RORA: variants seen among roughly 807,000 people sequenced by gnomAD.
RORA encodes nuclear receptor ROR-alpha.
RORA carries 7 observed loss-of-function variants against 69.5 expected under a neutral mutation model. The observed-to-expected ratio is 0.10, with a 90% CI of 0.06 to 0.19. The LOEUF (loss-of-function observed/expected upper bound fraction) is 0.19, where lower values mean the gene tolerates loss of function less well. RORA is among the 10% of genes least tolerant of loss of function. The probability of loss-of-function intolerance (pLI) is 1.00; values close to 1 mark genes in which losing one functional copy is unlikely to be tolerated. For synonymous variants in RORA, 261 were observed against 240.8 expected (o/e 1.08, Z -0.78); for missense variants, 457 against 663.0 (o/e 0.69, Z 3.41).
At position 60,490,195 on chromosome 15, in the gene RORA, TATACTC is replaced by T. The variant is rs1199716212; in HGVS notation, c.*7254_*7259del. On this transcript the variant is annotated 3_prime_UTR_variant, in exon 11 of 11. Coordinates refer to ENST00000335670, the MANE Select transcript of RORA (RefSeq NM_134261.3). This position sits in a 1 kb window ranked among gnomAD's most constrained non-coding sequence, Gnocchi z 4.1. ...ATGTATATATATACAAATATATAGT[TATACTC>T]AGTGAAATTAACAAGACCCAAAGGT... is the stretch of plus-strand genomic sequence containing the variant. The T allele has an allele frequency of 2.6e-5, 4 of 151,354 alleles. No individual in the cohort carries two copies. Among genetic ancestry groups the T allele is most frequent in the African/African-American group, 9.7e-5 (4 of 41,262 alleles). 9.4% of individuals were successfully genotyped at this position (151,354 alleles called of 1,614,324 possible).
intron 2 of RORA, among the ~76,000 whole-genome samples, chr15:60,577,855 C>A (rs1033409356): frequency 2.0e-5 from 3 of 152,102 alleles, no homozygotes; most frequent in African/African-American, 7.2e-5. Flanking sequence ...CATTATTTTA[C>A]ATTTTTGTGA....
At chr15:60,975,751 G>A (rs1306336749) in intron 1 of RORA, among the ~76,000 whole-genome samples, 1 of 152,186 alleles carries the variant, frequency 6.6e-6, no homozygotes, top group Non-Finnish European at 1.5e-5. Context: ...GTGTTAGGCT[G>A]GGCACAGGAA....
chr15:61,109,404 C>T (rs1405013666), intron 1 of RORA, among the ~76,000 whole-genome samples: 1 of 152,094 alleles, frequency 6.6e-6, no homozygotes, highest in Non-Finnish European at 1.5e-5. Context: ...ATAAAGGCCA[C>T]GGGATTTATC....
chr15:60,713,075 G>C (rs2071165781), intron 1 of RORA, among the ~76,000 whole-genome samples: 2 of 152,136 alleles, frequency 1.3e-5, no homozygotes, highest in Non-Finnish European at 2.9e-5. Context: ...ACTGTGGCCA[G>C]GGCTTCCCTG....
At chr15:60,923,661 A>C (rs894262118) in intron 1 of RORA, among the ~76,000 whole-genome samples, 1 of 152,186 alleles carries the variant, frequency 6.6e-6, no homozygotes, top group African/African-American at 2.4e-5. Context: ...CTTATATCTA[A>C]AGACTAATTG....
chr15:61,156,878 T>C (rs1351824716), intron 1 of RORA, among the ~76,000 whole-genome samples: 1 of 152,192 alleles, frequency 6.6e-6, no homozygotes, highest in Non-Finnish European at 1.5e-5. Context: ...CCAGTGCAGA[T>C]TCAGCCCAAT....
chr15:60,725,586 C>A (rs2071346659), intron 1 of RORA, among the ~76,000 whole-genome samples: 1 of 152,206 alleles, frequency 6.6e-6, no homozygotes, highest in Non-Finnish European at 1.5e-5. Flanking sequence ...CAATTATAAT[C>A]TTAGTTCTTT....
At chr15:60,679,304 A>G (rs757735540) in intron 1 of RORA, among the ~76,000 whole-genome samples, 3 of 152,226 alleles carry the variant, frequency 2.0e-5, no homozygotes, top group Admixed American at 1.3e-4. Flanking sequence ...AATGAAATGT[A>G]TGAACACAAA....
At chr15:60,776,148 G>A (rs10519067) in intron 1 of RORA, among the ~76,000 whole-genome samples, 30,479 of 152,010 alleles carry the variant, frequency 0.2, 3,688 homozygotes, top group African/African-American at 0.35. Context: ...ATATTGTGAT[G>A]ACCAACCAGC....
chr15:60,963,850 C>T (rs1231044511), intron 1 of RORA, among the ~76,000 whole-genome samples: 1 of 152,214 alleles, frequency 6.6e-6, no homozygotes. Flanking sequence ...GAACTCTTCA[C>T]AAGCTTTCTG....
At chr15:60,522,789 A>T (rs1025394159) in intron 3 of RORA, among the ~76,000 whole-genome samples, 1 of 134,952 alleles carries the variant, frequency 7.4e-6, no homozygotes, top group Non-Finnish European at 1.7e-5. Context: ...AAAAAAAAAA[A>T]GACCAGGTGT....
At chr15:61,123,700 C>T (rs980024012) in intron 1 of RORA, among the ~76,000 whole-genome samples, 2 of 152,134 alleles carry the variant, frequency 1.3e-5, no homozygotes, top group African/African-American at 2.4e-5. Context: ...GTCCCTTCCC[C>T]GTCTTCCAGG....
chr15:60,538,571 T>C (rs1486308813), intron 2 of RORA, among the ~76,000 whole-genome samples: 2 of 152,168 alleles, frequency 1.3e-5, no homozygotes, highest in African/African-American at 4.8e-5. Context: ...TACTTAAATG[T>C]TTTTTAATCA....
Position 60,816,175 on chromosome 15 carries a change from T to G in RORA, c.167-137489A>C, listed in dbSNP as rs202062874. Among the ~76,000 whole-genome samples, 42 of 46,588 alleles carry G rather than the reference T, an allele frequency of 9.0e-4. No individual in the cohort carries two copies. In the East Asian group the frequency reaches 0.02, roughly 23 times the overall value. 30.6% of individuals were successfully genotyped at this position (46,588 alleles called of 152,430 possible). On this transcript the variant is annotated intron_variant, in intron 1 of 10. Coordinates refer to ENST00000335670, the MANE Select transcript of RORA (RefSeq NM_134261.3). ...ATATGTATTTATATACTGTAAACAG[T>G]ATATGTATTTATATACTGTAAACAG... is the stretch of plus-strand genomic sequence containing the variant.
chr15:60,490,199 C>T lies in RORA; in HGVS notation c.*7256G>A, dbSNP rs897816220. ...ATATATATACAAATATATAGTTATACTCAGTGAAATTAACAAGACCCAAAG... is the reference window on the plus strand; with the variant it reads ...ATATATATACAAATATATAGTTATATTCAGTGAAATTAACAAGACCCAAAG... On this transcript the variant is annotated 3_prime_UTR_variant, in exon 11 of 11. Transcript: ENST00000335670. This position sits in a 1 kb window ranked among gnomAD's most constrained non-coding sequence, Gnocchi z 4.1. 1.3e-5 allele frequency: 2 copies of T among 150,994 alleles called. No homozygotes were observed. The highest frequency in any genetic ancestry group is 3.0e-5 in the Non-Finnish European group (2 of 67,774). 9.4% of individuals were successfully genotyped at this position (150,994 alleles called of 1,614,324 possible).
Position 60,816,830 on chromosome 15 carries a change from T to C in RORA, c.167-138144A>G, listed in dbSNP as rs538473626. ...TCTGTTATTAGGTGCTATATGTTTA[T>C]AATTGTTATGTTTTTCTAATGGGTT... On this transcript the variant is annotated intron_variant, in intron 1 of 10. Transcript: ENST00000335670. 4.2e-4 allele frequency among the ~76,000 whole-genome samples: 64 copies of C among 152,248 alleles called. 1 individual carries two copies. Among genetic ancestry groups the C allele is most frequent in the African/African-American group, 1.5e-3 (61 of 41,572 alleles).
intron 2 of RORA, among the ~76,000 whole-genome samples, chr15:60,617,692 AAAGAGG>A (rs773844015): frequency 1.4e-5 from 2 of 146,006 alleles, no homozygotes; most frequent in Non-Finnish European, 3.0e-5. Context: ...AGAGAGAGAG[AAAGAGG>A]GAGAGAGAGA....
At chr15:61,125,300 G>A (rs2079133911) in intron 1 of RORA, among the ~76,000 whole-genome samples, 1 of 152,230 alleles carries the variant, frequency 6.6e-6, no homozygotes, top group African/African-American at 2.4e-5. Context: ...ATCTTATGGT[G>A]TTTGGGTATT....
intron 1 of RORA, among the ~76,000 whole-genome samples, chr15:60,785,373 A>G (rs1489814177): frequency 6.6e-6 from 1 of 152,204 alleles, no homozygotes; most frequent in African/African-American, 2.4e-5. Context: ...TCCCCTTTCC[A>G]GTGATAAACA....
Sources: gnomAD v4.1 joint callset for allele counts (sites outside exome capture counted in the v4.1 genomes callset) on GRCh38, gnomAD v4.1.1 for gene constraint, Gnocchi (gnomAD v3.1) non-coding constraint, MANE v1.5 for transcripts, NCBI Gene and HGNC (gene_info 2026-07-23, HGNC 2026-07-21) for gene names.